The following MYLK variants were observed in gnomAD, a reference collection of about 807,000 sequenced individuals.
The protein encoded by MYLK is myosin light chain kinase, also known as myosin light chain kinase, smooth muscle.
Under a neutral mutation model 203.4 loss-of-function variants are expected in MYLK, and 106 were observed. The ratio of observed to expected loss-of-function variants is 0.52; its 90% CI spans 0.45 to 0.61. The LOEUF (loss-of-function observed/expected upper bound fraction) is 0.61. Among genes scored for constraint, MYLK ranks in the 20% least tolerant of loss-of-function variants. The pLI is 0.00. For missense variants in MYLK, 2,072 were observed against 2,442.3 expected, an observed-to-expected ratio of 0.85 and a Z score of 3.20; for synonymous variants, 867 against 959.5, an observed-to-expected ratio of 0.90 and a Z score of 1.78.
At chr3:123,673,295 T>G (rs2059975498) in intron 20 of MYLK, among the ~76,000 whole-genome samples, 3 of 151,800 alleles carry the variant, frequency 2.0e-5, no homozygotes, top group Admixed American at 6.6e-5. Flanking sequence ...ACTCAGCTAA[T>G]TTTTTGTAGA....
chr3:123,839,571 T>C (rs996995096), intron 2 of MYLK, among the ~76,000 whole-genome samples: 1 of 152,156 alleles, frequency 6.6e-6, no homozygotes, highest in East Asian at 1.9e-4. Context: ...CAAAAAGTCT[T>C]AGGCCTGAAA....
chr3:123,675,502 G>A (rs1418161390), intron 20 of MYLK, among the ~76,000 whole-genome samples: 1 of 152,184 alleles, frequency 6.6e-6, no homozygotes, highest in Non-Finnish European at 1.5e-5. Context: ...TTGCAAGATA[G>A]GTGCAGAGCC....
intron 2 of MYLK, among the ~76,000 whole-genome samples, chr3:123,848,442 T>C (rs2030325163): frequency 6.6e-6 from 1 of 152,096 alleles, no homozygotes; most frequent in Admixed American, 6.6e-5. Context: ...ACAATATTTA[T>C]AATATTCTCC....
At chr3:123,633,796 G>A (rs2058530497) in intron 29 of MYLK, among the ~76,000 whole-genome samples, 1 of 152,220 alleles carries the variant, frequency 6.6e-6, no homozygotes, top group African/African-American at 2.4e-5. Flanking sequence ...TAGGAGAGCA[G>A]AGGGTGCAGA....
At position 123,664,188 on chromosome 3, in the gene MYLK, C is replaced by A. The variant is rs770980369; in HGVS notation, c.3902G>T (p.Arg1301Leu). Residue 1301 changes from arginine (R) to leucine (L), a missense_variant, in exon 23 of 34, where the codon CGC becomes CTC. Arg to Leu is a moderately radical substitution (Grantham distance 102, BLOSUM62 -2). Around this residue, in one of 3 missense-constraint regions of MYLK, gnomAD observed 865 missense variants for 1,016.0 expected, o/e 0.85. Coordinates refer to ENST00000360304, the MANE Select transcript of MYLK (RefSeq NM_053025.4). ...TGTGTAGCAGCCGCAGTGCTCCTGG[C>A]GCGCGGCCAGGATGGTGAGCTTGCT... is the stretch of plus-strand genomic sequence containing the variant. Reference protein sequence around the residue: ...NGSKLTILAARQEHCGCYTLL... With the variant: ...NGSKLTILAALQEHCGCYTLL... 3 of 1,614,172 alleles carry A rather than the reference C, an allele frequency of 1.9e-6. No homozygotes were observed. The highest frequency in any genetic ancestry group is 2.2e-5 in the East Asian group (1 of 44,872).
chr3:123,750,063 G>A (rs963916684), intron 5 of MYLK, among the ~76,000 whole-genome samples: 3 of 152,202 alleles, frequency 2.0e-5, no homozygotes, highest in Admixed American at 2.0e-4. Context: ...GCCCAGAGTG[G>A]ACTCTTTCAG....
intron 23 of MYLK, among the ~76,000 whole-genome samples, chr3:123,660,634 T>C (rs1057045049): frequency 3.3e-5 from 5 of 152,186 alleles, no homozygotes; most frequent in Non-Finnish European, 7.3e-5. Flanking sequence ...TTTTTATTAT[T>C]GTTTGAAAAA....
chr3:123,865,032 A>G (rs2682218), intron 2 of MYLK, among the ~76,000 whole-genome samples: 130,050 of 152,154 alleles, frequency 0.85, 55,956 homozygotes, highest in East Asian at 0.96. Context: ...GGCCCTGGTT[A>G]CATACCTGGA....
At chr3:123,643,899 C>T (rs1464896201) in intron 27 of MYLK, among the ~76,000 whole-genome samples, 2 of 152,360 alleles carry the variant, frequency 1.3e-5, no homozygotes, top group South Asian at 2.1e-4. Context: ...CCATGGATGA[C>T]ACAGCTTAAA....
intron 4 of MYLK, among the ~76,000 whole-genome samples, chr3:123,785,730 T>C (rs1231551556): frequency 6.6e-6 from 1 of 152,232 alleles, no homozygotes; most frequent in Non-Finnish European, 1.5e-5. Flanking sequence ...TCTATGATAA[T>C]GGAAATGTTC....
chr3:123,705,469 T>C (rs1192318026), intron 16 of MYLK, among the ~76,000 whole-genome samples: 1 of 152,216 alleles, frequency 6.6e-6, no homozygotes, highest in East Asian at 1.9e-4. Flanking sequence ...GCATCTGATT[T>C]AAGTCAAAAG....
chr3:123,835,466 G>A (rs2204796), intron 2 of MYLK, among the ~76,000 whole-genome samples: 1 of 152,206 alleles, frequency 6.6e-6, no homozygotes, highest in African/African-American at 2.4e-5. Flanking sequence ...CCAGGGATGA[G>A]AAATAAGGAC....
At position 123,735,327 on chromosome 3, in the gene MYLK, G is replaced by C. The variant is rs58485680; in HGVS notation, c.773+71C>G. On this transcript the variant is annotated intron_variant, in intron 9 of 33. Coordinates refer to ENST00000360304, the MANE Select transcript of MYLK (RefSeq NM_053025.4). ...CCATAAGATGATTCAGAAATTCAGG[G>C]CATTTCTCGGTAACATCCTTGCAGG... is the stretch of plus-strand genomic sequence containing the variant. 9.3e-3 allele frequency: 14,695 copies of C among 1,578,662 alleles called. 361 individuals are homozygous for C. The highest frequency in any genetic ancestry group is 0.062 in the East Asian group (2,788 of 44,722).
chr3:123,666,119 G>C, intron 22 of MYLK, 100 bp downstream of exon 22: 3 of 1,585,490 alleles, frequency 1.9e-6, no homozygotes, highest in Non-Finnish European at 2.6e-6. Context: ...GCTACGAAGA[G>C]TGAGGCCATC....
At chr3:123,752,218 G>T in intron 5 of MYLK, 113 bp downstream of exon 5, 1 of 1,156,024 alleles carries the variant, frequency 8.7e-7, no homozygotes, top group Non-Finnish European at 1.3e-6. Context: ...GATGGGGTGT[G>T]TTTTCTCTTG....
chr3:123,850,439 A>G (rs1030912514), intron 2 of MYLK, among the ~76,000 whole-genome samples: 2 of 152,170 alleles, frequency 1.3e-5, no homozygotes, highest in Non-Finnish European at 2.9e-5. Context: ...CGCCATTCTA[A>G]CTGGTGTGAG....
chr3:123,825,992 A>T (rs2066104600), intron 3 of MYLK, among the ~76,000 whole-genome samples: 1 of 152,206 alleles, frequency 6.6e-6, no homozygotes, highest in South Asian at 2.1e-4. Flanking sequence ...AGGACCTGAG[A>T]AACAGCTCCA....
At chr3:123,693,314 C>T (rs2060761524) in intron 18 of MYLK, among the ~76,000 whole-genome samples, 1 of 152,134 alleles carries the variant, frequency 6.6e-6, no homozygotes, top group South Asian at 2.1e-4. Flanking sequence ...GCTGTGACTG[C>T]ATTCTGGAAA....
At chr3:123,664,026 T>C (rs1163250665) in intron 23 of MYLK, 79 bp downstream of exon 23, 1 of 1,593,242 alleles carries the variant, frequency 6.3e-7, no homozygotes, top group East Asian at 2.2e-5. Context: ...GATGAAGTCC[T>C]GAGGCCCACG....
Sources: gnomAD v4.1 joint callset for allele counts (sites outside exome capture counted in the v4.1 genomes callset) on GRCh38, gnomAD v4.1.1 for gene constraint, gnomAD v4.1.1 regional missense constraint, MANE v1.5 for transcripts, NCBI Gene and HGNC (gene_info 2026-07-23, HGNC 2026-07-21) for gene names.